COL25A1: variants seen among roughly 807,000 people sequenced by gnomAD.
COL25A1 encodes collagen alpha-1(XXV) chain.
COL25A1 carries 103 observed loss-of-function variants against 128.4 expected under a neutral mutation model. The observed-to-expected ratio is 0.80, with a 90% CI of 0.68 to 0.94. The LOEUF is 0.94. COL25A1 is among the 40% of genes least tolerant of loss of function. The pLI, the probability that COL25A1 is intolerant of heterozygous loss-of-function variation, is 0.00. For missense variants in COL25A1, 745 were observed against 840.0 expected, an observed-to-expected ratio of 0.89 and a Z score of 1.40; for synonymous variants, 279 against 277.2, an observed-to-expected ratio of 1.01 and a Z score of -0.06.
chr4:108,918,152 C>T lies in COL25A1; in HGVS notation c.780+20G>A, dbSNP rs780262880. ...TGCTCACCAAATTATTTTTAAAATA[C>T]AATATTCTATAGAACTCACCTTTTG... On this transcript the variant is annotated intron_variant, in intron 13 of 37. Transcript: ENST00000399132. 5 of 1,521,844 alleles carry T rather than the reference C, an allele frequency of 3.3e-6. No individual in the cohort carries two copies. Among genetic ancestry groups the T allele is most frequent in the African/African-American group, 1.4e-5 (1 of 72,442 alleles). 94.3% of individuals were successfully genotyped at this position (1,521,844 alleles called of 1,614,324 possible). A position where few individuals can be genotyped will look rare whatever the true frequency, so the allele number is the denominator to read the frequency against.
chr4:109,083,799 G>T (rs1032619143), intron 3 of COL25A1, among the ~76,000 whole-genome samples: 1 of 152,074 alleles, frequency 6.6e-6, no homozygotes, highest in South Asian at 2.1e-4. Context: ...AAACTACAGA[G>T]AGTAGGCAGG....
At chr4:109,100,416 A>AG (rs900516011) in intron 3 of COL25A1, among the ~76,000 whole-genome samples, 3 of 138,102 alleles carry the variant, frequency 2.2e-5, no homozygotes, top group Admixed American at 7.0e-5. Context: ...CATTTTTGTG[A>AG]GAAAAAAAAA....
intron 5 of COL25A1, among the ~76,000 whole-genome samples, chr4:109,031,402 C>A (rs1031856568): frequency 1.3e-5 from 2 of 152,170 alleles, no homozygotes; most frequent in African/African-American, 4.8e-5. Flanking sequence ...AGGCGTGAGC[C>A]ACCGCGCCAG....
At chr4:108,821,194 T>A (rs1731737026) in intron 35 of COL25A1, among the ~76,000 whole-genome samples, 1 of 152,182 alleles carries the variant, frequency 6.6e-6, no homozygotes, top group African/African-American at 2.4e-5. Flanking sequence ...TCTTCATTTA[T>A]CTCCTGTGTG....
intron 3 of COL25A1, among the ~76,000 whole-genome samples, chr4:109,249,631 G>C (rs1290545043): frequency 6.6e-6 from 1 of 152,118 alleles, no homozygotes; most frequent in Non-Finnish European, 1.5e-5. Flanking sequence ...ATCTATTAAA[G>C]AAAGGATTTA....
At chr4:108,957,089 A>G (rs1488699499) in intron 8 of COL25A1, among the ~76,000 whole-genome samples, 1 of 152,190 alleles carries the variant, frequency 6.6e-6, no homozygotes, top group African/African-American at 2.4e-5. Flanking sequence ...CTGTATTAAC[A>G]TAAACAGACA....
At chr4:108,876,922 G>A (rs1003292421) in intron 19 of COL25A1, among the ~76,000 whole-genome samples, 12 of 152,100 alleles carry the variant, frequency 7.9e-5, no homozygotes, top group Non-Finnish European at 1.8e-4. Flanking sequence ...TAAAAAACCA[G>A]GTCTCAAAAC....
intron 24 of COL25A1, chr4:108,853,961 G>C (rs1736150916): frequency 1.3e-5 from 2 of 152,056 alleles, no homozygotes; most frequent in African/African-American, 4.8e-5. Context: ...ATTGTGAATA[G>C]TGCTGCAATA....
At chr4:108,887,157 GA>G (rs567878519) in intron 18 of COL25A1, among the ~76,000 whole-genome samples, 1 of 152,076 alleles carries the variant, frequency 6.6e-6, no homozygotes, top group South Asian at 2.1e-4. Context: ...CCTACATTAT[GA>G]ATATAACTCT....
intron 22 of COL25A1, 138 bp downstream of exon 22, chr4:108,862,356 GCAATCCC>G (rs1737336715): frequency 1.0e-5 from 7 of 690,054 alleles, no homozygotes; most frequent in Admixed American, 4.4e-5. Flanking sequence ...TAGGGATACT[GCAATCCC>G]TTTTGCAATA....
intron 3 of COL25A1, among the ~76,000 whole-genome samples, chr4:109,131,018 A>G (rs1190982856): frequency 6.6e-6 from 1 of 152,192 alleles, no homozygotes; most frequent in African/African-American, 2.4e-5. Context: ...GTTCAGCATA[A>G]CGATAAATGA....
intron 35 of COL25A1, among the ~76,000 whole-genome samples, chr4:108,823,008 G>A (rs976506948): frequency 2.0e-5 from 3 of 152,050 alleles, no homozygotes; most frequent in Non-Finnish European, 2.9e-5. Context: ...CCACTTACAC[G>A]GGCTCTCTTA....
intron 3 of COL25A1, among the ~76,000 whole-genome samples, chr4:109,245,133 C>G (rs1447736176): frequency 1.3e-5 from 2 of 152,060 alleles, no homozygotes; most frequent in Admixed American, 1.3e-4. Context: ...GACCTAGATA[C>G]CTTGAGAGTA....
chr4:109,059,142 T>C (rs1382322623), intron 3 of COL25A1, among the ~76,000 whole-genome samples: 1 of 152,222 alleles, frequency 6.6e-6, no homozygotes. Flanking sequence ...ACAATGATGA[T>C]GACTAATATT....
chr4:109,290,805 C>T (rs1255931731), intron 3 of COL25A1, among the ~76,000 whole-genome samples: 4 of 151,980 alleles, frequency 2.6e-5, no homozygotes, highest in African/African-American at 7.2e-5. Context: ...AGAAAGTTTA[C>T]GAATTTGTGT....
chr4:109,232,310 GAAGT>G (rs1415009586), intron 3 of COL25A1, among the ~76,000 whole-genome samples: 23 of 151,802 alleles, frequency 1.5e-4, no homozygotes, highest in African/African-American at 5.6e-4. Flanking sequence ...CACTGAAAAA[GAAGT>G]AAGATAGTTC....
chr4:108,860,215 A>G (rs1426743207), intron 23 of COL25A1, among the ~76,000 whole-genome samples: 1 of 151,958 alleles, frequency 6.6e-6, no homozygotes, highest in Non-Finnish European at 1.5e-5. Context: ...GTGTTCAAGC[A>G]ATTCTCCTGC....
chr4:109,137,718 T>C (rs758415466), intron 3 of COL25A1, among the ~76,000 whole-genome samples: 2 of 152,172 alleles, frequency 1.3e-5, no homozygotes, highest in African/African-American at 2.4e-5. Context: ...TTCTCCATCA[T>C]CTCCCAAATC....
intron 19 of COL25A1, among the ~76,000 whole-genome samples, chr4:108,882,121 T>C (rs1173826752): frequency 1.3e-5 from 2 of 152,074 alleles, no homozygotes; most frequent in African/African-American, 4.8e-5. Flanking sequence ...TCGTTTAACA[T>C]CCCTCCCAAC....
Sources: allele counts gnomAD v4.1 joint callset (sites outside exome capture counted in the v4.1 genomes callset), GRCh38; gene constraint gnomAD v4.1.1; transcripts MANE v1.5; gene names NCBI Gene and HGNC (gene_info 2026-07-23, HGNC 2026-07-21).